The following CCDC66 variants were observed in gnomAD, a reference collection of about 807,000 sequenced individuals.
CCDC66 encodes coiled-coil domain containing 66, also known as coiled-coil domain-containing protein 66.
In CCDC66, 133 loss-of-function variants were observed where a neutral mutation model predicts 128.3. That is an observed-to-expected ratio of 1.04 (90% confidence interval 0.90 to 1.20). The LOEUF is 1.20. Ranked by LOEUF, CCDC66 falls within the 50% of genes most tolerant of loss-of-function variation. The probability of loss-of-function intolerance (pLI) is 0.00; values close to 1 mark genes in which losing one functional copy is unlikely to be tolerated. For synonymous variants in CCDC66, 387 were observed against 357.0 expected, an observed-to-expected ratio of 1.08 and a Z score of -0.95; for missense variants, 1,126 against 1,075.5, an observed-to-expected ratio of 1.05 and a Z score of -0.66.
At position 56,593,534 on chromosome 3, in the gene CCDC66, A is replaced by G. The variant is rs2071315406; in HGVS notation, c.1112A>G (p.Lys371Arg). The change falls in exon 9 of 18, where the codon AAG becomes AGG. Residue 371 changes from lysine (K) to arginine (R), a missense_variant. Lys to Arg is a conservative substitution (Grantham distance 26). Coordinates refer to ENST00000394672, the MANE Select transcript of CCDC66 (RefSeq NM_001141947.3). ...TGGGCAATGCACTTTGATTCATTAA[A>G]GAGTTATCCTGGTTCTCAATCTCAG... Reference protein sequence around the residue: ...DRWAMHFDSLKSYPGSQSQLF... With the variant: ...DRWAMHFDSLRSYPGSQSQLF... 2 of 1,614,074 alleles carry G rather than the reference A, an allele frequency of 1.2e-6. No individual in the cohort carries two copies. The highest frequency in any genetic ancestry group is 1.3e-5 in the African/African-American group (1 of 74,946).
At chr3:56,596,077 G>A (rs1232795598) in intron 10 of CCDC66, among the ~76,000 whole-genome samples, 1 of 152,042 alleles carries the variant, frequency 6.6e-6, no homozygotes, top group Non-Finnish European at 1.5e-5. Flanking sequence ...ACCATGTCAG[G>A]CTAATGTTAA....
intron 7 of CCDC66, among the ~76,000 whole-genome samples, chr3:56,576,672 T>TTGC (rs2067430681): frequency 6.6e-6 from 1 of 151,120 alleles, no homozygotes; most frequent in Non-Finnish European, 1.5e-5. Flanking sequence ...TTTTCTCTCC[T>TTGC]TGCAATAGTT....
At chr3:56,591,276 G>C (rs2070845462) in intron 7 of CCDC66, among the ~76,000 whole-genome samples, 1 of 152,164 alleles carries the variant, frequency 6.6e-6, no homozygotes. Context: ...AAAACATTTT[G>C]AGTGTTTAAG....
chr3:56,621,394 A>C (rs561374130), intron 17 of CCDC66, 138 bp from the exon 18 acceptor site: 1 of 539,826 alleles, frequency 1.9e-6, no homozygotes, highest in East Asian at 2.9e-5. Context: ...TAGTACAAGC[A>C]TTTCTGAAAA....
At chr3:56,599,959 G>T (rs1254672397) in intron 10 of CCDC66, among the ~76,000 whole-genome samples, 1 of 151,980 alleles carries the variant, frequency 6.6e-6, no homozygotes, top group East Asian at 1.9e-4. Context: ...GTGTTAGTTT[G>T]CTGAGAATTA....
intron 7 of CCDC66, among the ~76,000 whole-genome samples, chr3:56,582,482 G>A (rs776733390): frequency 5.3e-5 from 8 of 151,842 alleles, no homozygotes; most frequent in African/African-American, 9.7e-5. Flanking sequence ...CATTGCTCAC[G>A]CTGGAAGCTG....
intron 6 of CCDC66, among the ~76,000 whole-genome samples, chr3:56,568,342 A>T (rs1311606168): frequency 6.6e-6 from 1 of 152,186 alleles, no homozygotes; most frequent in Non-Finnish European, 1.5e-5. Flanking sequence ...TAGTCTTCCC[A>T]CTTCAGGGTG....
At chr3:56,563,511 T>A in intron 3 of CCDC66, 173 bp from the exon 4 acceptor site, 1 of 563,940 alleles carries the variant, frequency 1.8e-6, no homozygotes, top group Non-Finnish European at 3.1e-6. Flanking sequence ...GTAAGATAAT[T>A]TCTAGTTGTT....
At chr3:56,592,844 T>C in intron 7 of CCDC66, 126 bp from the exon 8 acceptor site, 3 of 873,530 alleles carry the variant, frequency 3.4e-6, no homozygotes, top group Non-Finnish European at 3.6e-6. Flanking sequence ...TTTGAAGTTA[T>C]TGCTCCTCTT....
intron 11 of CCDC66, 49 bp downstream of exon 11, chr3:56,613,799 G>C: frequency 2.0e-6 from 3 of 1,502,396 alleles, no homozygotes; most frequent in Non-Finnish European, 2.7e-6. Flanking sequence ...TTGTGTTTTT[G>C]AGACAGGGTC....
Position 56,593,588 on chromosome 3 carries a change from C to G in CCDC66, c.1166C>G (p.Pro389Arg), listed in dbSNP as rs1191592372. 6.2e-7 allele frequency: 1 copy of G among 1,614,198 alleles called. No homozygotes were observed. ...TTCTCTCAGTCAACACACAAACAAC[C>G]TGAGTACTTCTGTGTCTCTCCTGAC... ...QLFSQSTHKQ[P>R]EYFCVSPDTQ... is the part of the protein sequence containing the mutation. The change falls in exon 9 of 18, where the codon CCT becomes CGT. Residue 389 changes from proline to arginine, a missense_variant. Pro to Arg is a moderately radical substitution (Grantham distance 103, BLOSUM62 -2). Transcript: ENST00000394672.
chr3:56,621,364 T>TATATCCA (rs2076590392), intron 17 of CCDC66, 168 bp from the exon 18 acceptor site: 1 of 442,106 alleles, frequency 2.3e-6, no homozygotes, highest in African/African-American at 2.0e-5. Flanking sequence ...GTGATAGCTA[T>TATATCCA]ATATCCAAAT....
intron 3 of CCDC66, among the ~76,000 whole-genome samples, chr3:56,562,834 A>G (rs754449774): frequency 1.1e-4 from 16 of 149,964 alleles, no homozygotes; most frequent in Non-Finnish European, 2.4e-4. Context: ...TTTAGTAGAG[A>G]TGGTGTTTTA....
At chr3:56,618,265 C>T (rs895892278) in intron 15 of CCDC66, 53 bp downstream of exon 15, 4 of 1,450,374 alleles carry the variant, frequency 2.8e-6, no homozygotes, top group Non-Finnish European at 2.9e-6. Flanking sequence ...CTATGTGGGA[C>T]AAAAAAGGGA....
At position 56,570,782 on chromosome 3, in the gene CCDC66, G is replaced by C. The variant is rs2066521134; in HGVS notation, c.815-399G>C. On this transcript the variant is annotated intron_variant, in intron 6 of 17. Coordinates refer to ENST00000394672, the MANE Select transcript of CCDC66 (RefSeq NM_001141947.3). ...AAAGCTTACCAGCAGTTTGCTAACA[G>C]TCACGTAGCTGGGAAGTTGTTGAAC... 3.6e-5 allele frequency: 2 copies of C among 55,746 alleles called. 1 individual carries two copies. The highest frequency in any genetic ancestry group is 1.1e-4 in the Non-Finnish European group (2 of 17,410). 3.5% of individuals were successfully genotyped at this position (55,746 alleles called of 1,614,324 possible).
intron 6 of CCDC66, 76 bp from the exon 7 acceptor site, chr3:56,571,105 A>T (rs1013052295): frequency 1.4e-5 from 15 of 1,101,068 alleles, no homozygotes; most frequent in Admixed American, 5.4e-5. Context: ...TATCTGCATT[A>T]AGAAGGTCAG....
chr3:56,566,786 G>C (rs372914413), intron 5 of CCDC66, 27 bp downstream of exon 5: 22 of 1,592,358 alleles, frequency 1.4e-5, no homozygotes, highest in Non-Finnish European at 1.6e-5. Context: ...TGTTGTTATT[G>C]TGTGGTCATC....
intron 7 of CCDC66, among the ~76,000 whole-genome samples, chr3:56,590,226 T>A (rs1047271557): frequency 3.9e-5 from 6 of 152,204 alleles, no homozygotes; most frequent in African/African-American, 1.4e-4. Context: ...AAAGCTGCAT[T>A]TTTATAAGAC....
At chr3:56,557,472 C>T (rs750994695) in intron 1 of CCDC66, among the ~76,000 whole-genome samples, 3 of 152,058 alleles carry the variant, frequency 2.0e-5, no homozygotes, top group Admixed American at 6.5e-5. Context: ...TAATGACTAG[C>T]ATTAAAACTG....
Sources: gnomAD v4.1 joint callset for allele counts (sites outside exome capture counted in the v4.1 genomes callset) on GRCh38, gnomAD v4.1.1 for gene constraint, MANE v1.5 for transcripts, NCBI Gene and HGNC (gene_info 2026-07-23, HGNC 2026-07-21) for gene names.